The following CLVS1 variants were observed in gnomAD, a reference collection of about 807,000 sequenced individuals.
The protein encoded by CLVS1 is clavesin-1.
Under a neutral mutation model 33.1 loss-of-function variants are expected in CLVS1, and 10 were observed. The ratio of observed to expected loss-of-function variants is 0.30; its 90% CI spans 0.19 to 0.51. The LOEUF (loss-of-function observed/expected upper bound fraction) is 0.51, where lower values mean the gene tolerates loss of function less well. Among genes scored for constraint, CLVS1 ranks in the 20% least tolerant of loss-of-function variants. CLVS1 has a pLI of 0.97. For synonymous variants in CLVS1, 163 were observed against 166.1 expected, an observed-to-expected ratio of 0.98 and a Z score of 0.14; for missense variants, 343 against 433.4, an observed-to-expected ratio of 0.79 and a Z score of 1.85.
chr8:60,978,985 G>C, the CLVS1 span, among the ~76,000 whole-genome samples: 3 of 152,186 alleles, frequency 2.0e-5, no homozygotes, highest in South Asian at 6.2e-4. Flanking sequence ...TGTGTGAGAG[G>C]AGTCACCTAC....
At chr8:61,402,893 C>T (rs1679382266) in intron 3 of CLVS1, among the ~76,000 whole-genome samples, 1 of 152,182 alleles carries the variant, frequency 6.6e-6, no homozygotes, top group Non-Finnish European at 1.5e-5. Flanking sequence ...TGCATACATA[C>T]ACTGGGGAGA....
the CLVS1 span, among the ~76,000 whole-genome samples, chr8:60,993,250 G>A: frequency 6.6e-6 from 1 of 152,204 alleles, no homozygotes; most frequent in South Asian, 2.1e-4. Flanking sequence ...ACTGTGAAGA[G>A]AGACTTTCAG....
chr8:61,435,070 G>A (rs1816272904), intron 3 of CLVS1, among the ~76,000 whole-genome samples: 1 of 152,200 alleles, frequency 6.6e-6, no homozygotes, highest in Admixed American at 6.5e-5. Context: ...TGGTTTGTAG[G>A]GCATGACTCC....
chr8:61,030,700 CA>C, the CLVS1 span, among the ~76,000 whole-genome samples: 2 of 152,174 alleles, frequency 1.3e-5, no homozygotes, highest in African/African-American at 4.8e-5. Context: ...TTATTGAGCC[CA>C]TATTATGTGC....
At chr8:61,439,859 A>C (rs146331442) in intron 3 of CLVS1, among the ~76,000 whole-genome samples, 167 of 152,308 alleles carry the variant, frequency 1.1e-3, no homozygotes, top group African/African-American at 3.5e-3. Context: ...AAATGGGACT[A>C]AGAAACATGT....
chr8:61,210,739 C>T (rs961448449), intron 2 of CLVS1, among the ~76,000 whole-genome samples: 18 of 152,096 alleles, frequency 1.2e-4, no homozygotes, highest in East Asian at 1.9e-4. Flanking sequence ...CTATGGACAC[C>T]GTAAGATAAT....
At chr8:61,272,823 G>A (rs1261618643) in intron 2 of CLVS1, among the ~76,000 whole-genome samples, 1 of 151,978 alleles carries the variant, frequency 6.6e-6, no homozygotes, top group East Asian at 1.9e-4. Flanking sequence ...CGTAGTTCTC[G>A]AGCCTTGGTT....
the CLVS1 span, among the ~76,000 whole-genome samples, chr8:60,995,040 G>T: frequency 6.6e-6 from 1 of 151,744 alleles, no homozygotes; most frequent in Non-Finnish European, 1.5e-5. Flanking sequence ...TTAAACGTTA[G>T]ACCTAAAACC....
chr8:61,153,060 C>A (rs1806573368), intron 2 of CLVS1, among the ~76,000 whole-genome samples: 1 of 152,004 alleles, frequency 6.6e-6, no homozygotes, highest in Non-Finnish European at 1.5e-5. Context: ...CCCAGCCACT[C>A]CGGAGGCTGA....
chr8:61,382,882 G>A (rs148850891), intron 3 of CLVS1, among the ~76,000 whole-genome samples: 322 of 152,236 alleles, frequency 2.1e-3, no homozygotes, highest in African/African-American at 7.3e-3. Flanking sequence ...TCTGGGTCTC[G>A]GTTTCCTCAT....
the CLVS1 span, among the ~76,000 whole-genome samples, chr8:60,978,953 A>T: frequency 6.6e-6 from 1 of 152,172 alleles, no homozygotes; most frequent in African/African-American, 2.4e-5. Context: ...TGGTTTTATT[A>T]GTGGATTCTC....
intron 3 of CLVS1, among the ~76,000 whole-genome samples, chr8:61,422,579 A>G (rs1815721754): frequency 6.6e-6 from 1 of 152,204 alleles, no homozygotes; most frequent in Non-Finnish European, 1.5e-5. Flanking sequence ...TTTAAGGCCT[A>G]ATGTATACCT....
rs536621620 is a variant in CLVS1, at chr8:61,461,291, T to C, written c.977+2749T>C. Among the ~76,000 whole-genome samples the C allele has an allele frequency of 3.3e-5, 5 of 152,340 alleles. No individual in the cohort carries two copies. The South Asian group carries it at 8.3e-4, about 25-fold the overall frequency. The stretch of plus-strand genomic sequence containing the variant: ...TGGGGTATTGTCCCCATTAACTTTT[T>C]GTAAAGCATCAGTGATTTCACAATG... On this transcript the variant is annotated intron_variant, in intron 5 of 5. Coordinates refer to ENST00000325897, the MANE Select transcript of CLVS1 (RefSeq NM_173519.3).
At chr8:61,231,689 G>A (rs763368579) in intron 2 of CLVS1, among the ~76,000 whole-genome samples, 25 of 152,196 alleles carry the variant, frequency 1.6e-4, no homozygotes, top group Non-Finnish European at 3.4e-4. Context: ...GAAACTTGCC[G>A]GAAATACGAA....
chr8:61,476,966 C>T lies in CLVS1; in HGVS notation c.977+18424C>T, dbSNP rs546643246. On this transcript the variant is annotated intron_variant, in intron 5 of 5. Coordinates refer to ENST00000325897, the MANE Select transcript of CLVS1 (RefSeq NM_173519.3). ...AGATAGCTCTTATTATTTTGAGATA[C>T]ATCCCATCAATACCTAATTTATTGA... Among the ~76,000 whole-genome samples the T allele has an allele frequency of 3.3e-5, 5 of 151,936 alleles. No individual in the cohort carries two copies. In the East Asian group the frequency reaches 7.7e-4, roughly 24 times the overall value.
rs534312676 is a variant in CLVS1 at position 61,212,329 on chromosome 8, G to A, written c.-152+80469G>A. Among the ~76,000 whole-genome samples, 31 of 152,266 alleles carry A rather than the reference G, an allele frequency of 2.0e-4. No individual in the cohort carries two copies. The South Asian group carries it at 4.8e-3, about 23-fold the overall frequency. Reference sequence around the variant, plus strand: ...CAACAGAGGTAGGCAGTGAGGTGGCGGGGGACATTTCAGAGAGGGAGCATC... The same window carrying A: ...CAACAGAGGTAGGCAGTGAGGTGGCAGGGGACATTTCAGAGAGGGAGCATC... On this transcript the variant is annotated intron_variant, in intron 2 of 2. Transcript: ENST00000522621.
chr8:61,468,051 A>T (rs990769207), intron 5 of CLVS1, among the ~76,000 whole-genome samples: 1 of 151,932 alleles, frequency 6.6e-6, no homozygotes, highest in African/African-American at 2.4e-5. Flanking sequence ...ATTTTAATAA[A>T]CACAAACATA....
the CLVS1 span, among the ~76,000 whole-genome samples, chr8:60,997,864 C>A: frequency 1.3e-5 from 2 of 152,118 alleles, no homozygotes; most frequent in African/African-American, 4.8e-5. Flanking sequence ...AACTAATGTT[C>A]TAAGATTCAA....
chr8:61,339,328 C>T (rs1271568915), intron 2 of CLVS1, among the ~76,000 whole-genome samples: 1 of 152,170 alleles, frequency 6.6e-6, no homozygotes, highest in Non-Finnish European at 1.5e-5. Flanking sequence ...TGGACAGAGC[C>T]TCAAGGCAGA....
Sources: allele counts gnomAD v4.1 joint callset (sites outside exome capture counted in the v4.1 genomes callset), GRCh38; gene constraint gnomAD v4.1.1; transcripts MANE v1.5; gene names NCBI Gene and HGNC (gene_info 2026-07-23, HGNC 2026-07-21).